The following PVT1 variants were observed in gnomAD, a reference collection of about 807,000 sequenced individuals.
PVT1 encodes Pvt1 oncogene.
At chr8:128,047,177 T>A (rs2720658) in intron 4 of PVT1, among the ~76,000 whole-genome samples, 86,520 of 152,126 alleles carry the variant, frequency 0.57, 24,918 homozygotes, top group East Asian at 0.72. Flanking sequence ...GTTTTTGATG[T>A]ATGCTGAGCT....
At chr8:127,957,466 G>A (rs770924959) in intron 3 of PVT1, among the ~76,000 whole-genome samples, 8 of 151,560 alleles carry the variant, frequency 5.3e-5, no homozygotes, top group Middle Eastern at 3.4e-3. Flanking sequence ...TACTCAGGAG[G>A]CTGAGGCAGG....
At chr8:127,842,755 T>C (rs1814987147) in intron 2 of PVT1, among the ~76,000 whole-genome samples, 1 of 152,132 alleles carries the variant, frequency 6.6e-6, no homozygotes, top group African/African-American at 2.4e-5. Context: ...GACCTTTTCA[T>C]CCCTGAGCCA....
At chr8:127,955,787 G>A (rs1035679790) in intron 3 of PVT1, among the ~76,000 whole-genome samples, 2 of 152,048 alleles carry the variant, frequency 1.3e-5, no homozygotes, top group Non-Finnish European at 2.9e-5. Flanking sequence ...ATTTTTTCAT[G>A]TTGCCCAGGC....
intron 4 of PVT1, among the ~76,000 whole-genome samples, chr8:128,050,107 A>G (rs1813670860): frequency 6.6e-6 from 1 of 152,120 alleles, no homozygotes; most frequent in South Asian, 2.1e-4. Flanking sequence ...CTAATTCTCA[A>G]GTACTAATCT....
At chr8:127,936,725 G>A (rs550140939) in intron 3 of PVT1, among the ~76,000 whole-genome samples, 6 of 152,306 alleles carry the variant, frequency 3.9e-5, no homozygotes, top group African/African-American at 1.4e-4. Flanking sequence ...GTGAGGGGTT[G>A]CTTGAGGGTG....
At chr8:127,815,548 G>T (rs575207397) in intron 2 of PVT1, among the ~76,000 whole-genome samples, 9 of 152,252 alleles carry the variant, frequency 5.9e-5, no homozygotes, top group African/African-American at 1.7e-4. Flanking sequence ...AGTGCTTTCG[G>T]CAGCTTGATC....
At chr8:127,907,237 G>A (rs1238462404) in intron 3 of PVT1, among the ~76,000 whole-genome samples, 1 of 151,562 alleles carries the variant, frequency 6.6e-6, no homozygotes, top group Non-Finnish European at 1.5e-5. Flanking sequence ...CCAAAGTGCT[G>A]GGATTACAGG....
chr8:127,821,262 C>T (rs953281922), intron 2 of PVT1, among the ~76,000 whole-genome samples: 2 of 152,090 alleles, frequency 1.3e-5, no homozygotes, highest in African/African-American at 2.4e-5. Context: ...CATATGGTAG[C>T]CGCTAGCCAC....
At chr8:127,863,718 G>C (rs76608201) in intron 2 of PVT1, among the ~76,000 whole-genome samples, 1 of 152,200 alleles carries the variant, frequency 6.6e-6, no homozygotes, top group Admixed American at 6.5e-5. Flanking sequence ...GCAGCACTTA[G>C]CACAGTGCTT....
chr8:128,020,886 C>T (rs562492625), intron 4 of PVT1, among the ~76,000 whole-genome samples: 1 of 152,196 alleles, frequency 6.6e-6, no homozygotes, highest in Non-Finnish European at 1.5e-5. Flanking sequence ...AGTAGTAGCT[C>T]ACTTTCAGGT....
chr8:127,914,426 T>C (rs2129852164), intron 3 of PVT1, among the ~76,000 whole-genome samples: 1 of 152,072 alleles, frequency 6.6e-6, no homozygotes, highest in South Asian at 2.1e-4. Flanking sequence ...AAGTCAAGTA[T>C]AGAATTACAT....
intron 2 of PVT1, among the ~76,000 whole-genome samples, chr8:127,828,717 A>G (rs1216047179): frequency 6.6e-6 from 1 of 152,064 alleles, no homozygotes; most frequent in East Asian, 1.9e-4. Context: ...GAATCCGTGA[A>G]AGGATGGTGC....
intron 4 of PVT1, among the ~76,000 whole-genome samples, chr8:128,045,233 G>C (rs1813596994): frequency 6.6e-6 from 1 of 152,158 alleles, no homozygotes; most frequent in African/African-American, 2.4e-5. Context: ...CTGCTCTGAA[G>C]GGAGCTTTCA....
intron 5 of PVT1, among the ~76,000 whole-genome samples, chr8:128,075,341 G>A (rs937188157): frequency 2.0e-5 from 3 of 152,140 alleles, no homozygotes; most frequent in Non-Finnish European, 2.9e-5. Flanking sequence ...CTTGTGGTCA[G>A]GGGCTGGATT....
chr8:128,072,360 G>C (rs916515690), intron 5 of PVT1, among the ~76,000 whole-genome samples: 2 of 152,144 alleles, frequency 1.3e-5, no homozygotes, highest in African/African-American at 4.8e-5. Flanking sequence ...AAGACACAGC[G>C]CTCAATTCCT....
intron 2 of PVT1, among the ~76,000 whole-genome samples, chr8:127,884,667 A>G (rs1228646038): frequency 6.6e-6 from 1 of 152,254 alleles, no homozygotes; most frequent in African/African-American, 2.4e-5. Context: ...TAGCCAACCC[A>G]TTACAGAAAG....
intron 3 of PVT1, among the ~76,000 whole-genome samples, chr8:127,912,345 A>G (rs1049836445): frequency 1.5e-4 from 23 of 152,346 alleles, no homozygotes; most frequent in Admixed American, 6.5e-4. Flanking sequence ...AATAAGTACT[A>G]TGTTTACACA....
intron 2 of PVT1, among the ~76,000 whole-genome samples, chr8:127,838,525 T>G (rs1450066424): frequency 6.6e-6 from 1 of 152,042 alleles, no homozygotes; most frequent in African/African-American, 2.4e-5. Flanking sequence ...GCCAACATGG[T>G]GAAACCCCGT....
chr8:127,868,782 T>TGTATATAC (rs143189557), intron 2 of PVT1, among the ~76,000 whole-genome samples: 1 of 60,656 alleles, frequency 1.6e-5, no homozygotes, highest in East Asian at 4.7e-4. Context: ...TATATATATA[T>TGTATATAC]ATATATATAT....
Sources: allele counts gnomAD v4.1 joint callset (sites outside exome capture counted in the v4.1 genomes callset), GRCh38; gene constraint gnomAD v4.1.1; transcripts MANE v1.5; gene names NCBI Gene and HGNC (gene_info 2026-07-23, HGNC 2026-07-21).